Variants in PRKD3 observed in about 807,000 individuals in gnomAD.
The protein encoded by PRKD3 is protein kinase D3, also known as serine/threonine-protein kinase D3.
In PRKD3, 47 loss-of-function variants were observed where a neutral mutation model predicts 99.2. That is an observed-to-expected ratio of 0.47 (90% CI 0.38 to 0.60). The LOEUF (loss-of-function observed/expected upper bound fraction) is 0.60. Ranked by LOEUF, PRKD3 falls within the 20% of genes least tolerant of loss-of-function variation. The probability of loss-of-function intolerance (pLI) is 0.00; values close to 1 mark genes in which losing one functional copy is unlikely to be tolerated. For missense variants in PRKD3, 1,019 were observed against 1,088.4 expected, an observed-to-expected ratio of 0.94 and a Z score of 0.90; for synonymous variants, 392 against 355.4, an observed-to-expected ratio of 1.10 and a Z score of -1.16.
intron 5 of PRKD3, 121 bp from the exon 6 acceptor site, chr2:37,286,490 G>A (rs968115823): frequency 2.6e-6 from 2 of 759,628 alleles, no homozygotes; most frequent in Non-Finnish European, 4.0e-6. Context: ...TAAAAATGTT[G>A]TTCTCAGCAG....
At chr2:37,313,579 T>C (rs191995685) in intron 2 of PRKD3, among the ~76,000 whole-genome samples, 58 of 152,244 alleles carry the variant, frequency 3.8e-4, no homozygotes, top group African/African-American at 1.3e-3. Flanking sequence ...TATTAATACA[T>C]GCAAGCTAAA....
intron 11 of PRKD3, among the ~76,000 whole-genome samples, chr2:37,273,596 AT>A (rs1669416211): frequency 6.6e-6 from 1 of 152,076 alleles, no homozygotes; most frequent in East Asian, 1.9e-4. Context: ...TATATATCCC[AT>A]CTCTCCCTAA....
chr2:37,282,747 C>G (rs1230295051), intron 6 of PRKD3, 128 bp from the exon 7 acceptor site: 5 of 688,468 alleles, frequency 7.3e-6, no homozygotes, highest in African/African-American at 7.2e-5. Context: ...TAATAACCAC[C>G]TACAAGTCAC....
rs1667549115 is a variant in PRKD3 at position 37,252,128 on chromosome 2, AAAATAATT to A, written c.*1041_*1048del. 6.6e-6 allele frequency: 1 copy of A among 152,236 alleles called. No homozygotes were observed. The highest frequency in any genetic ancestry group is 1.5e-5 in the Non-Finnish European group (1 of 68,044). 9.4% of individuals were successfully genotyped at this position (152,236 alleles called of 1,614,324 possible). ...TCCTACACATCCCCTCAAACTGCTT[AAAATAATT>A]GACTTTAAAACACTCCAGATATCTG... On this transcript the variant is annotated 3_prime_UTR_variant, in exon 19 of 19. Coordinates refer to ENST00000234179, the MANE Select transcript of PRKD3 (RefSeq NM_005813.6).
At chr2:37,322,535 C>T (rs1378525276) in intron 1 of PRKD3, among the ~76,000 whole-genome samples, 1 of 152,172 alleles carries the variant, frequency 6.6e-6, no homozygotes, top group Admixed American at 6.5e-5. Context: ...TTATGGACTG[C>T]CAGTCTGGCA....
chr2:37,276,805 CATACACATATATATACATAT>C (rs1176996664), intron 9 of PRKD3, among the ~76,000 whole-genome samples: 2 of 139,706 alleles, frequency 1.4e-5, no homozygotes, highest in Non-Finnish European at 3.1e-5. Context: ...CACACACACA[CATACACATATATATACATAT>C]ATATTCATAT....
chr2:37,321,304 T>C (rs896063847), intron 1 of PRKD3, among the ~76,000 whole-genome samples: 8 of 152,200 alleles, frequency 5.3e-5, no homozygotes, highest in African/African-American at 1.7e-4. Flanking sequence ...TGAGCTTACA[T>C]AATCTGTCAT....
At chr2:37,321,880 G>C (rs1285166485) in intron 1 of PRKD3, among the ~76,000 whole-genome samples, 6 of 152,178 alleles carry the variant, frequency 3.9e-5, no homozygotes, top group African/African-American at 9.7e-5. Context: ...AATGCATCTA[G>C]TTATTAAATT....
In PRKD3 at chr2:37,316,404, A is replaced by C. The variant is rs1478144666; in HGVS notation, c.121T>G (p.Ser41Ala). 2 of 1,614,058 alleles carry C rather than the reference A, an allele frequency of 1.2e-6. No homozygotes were observed. The highest frequency in any genetic ancestry group is 2.7e-5 in the African/African-American group (2 of 74,922). ...SPKTGLSARL[S>A]NGSFSAPSLT... ...GATGGTGCACTGAAGCTTCCATTAG[A>C]GAGTCGGGCAGAGAGTCCCGTCTTA... Residue 41 changes from serine to alanine, a missense_variant, in exon 2 of 19, where the codon TCT becomes GCT. Around this residue, in one of 3 missense-constraint regions of PRKD3, gnomAD observed 710 missense variants for 692.7 expected, o/e 1.02. Transcript: ENST00000234179.
chr2:37,256,537 GATGA>G, intron 17 of PRKD3, 121 bp downstream of exon 17: 1 of 1,227,934 alleles, frequency 8.1e-7, no homozygotes, highest in Non-Finnish European at 1.1e-6. Context: ...GAATTTGGAA[GATGA>G]ATGGGAGATG....
chr2:37,300,727 C>T (rs1387811088), intron 2 of PRKD3, among the ~76,000 whole-genome samples: 1 of 152,146 alleles, frequency 6.6e-6, no homozygotes, highest in Non-Finnish European at 1.5e-5. Flanking sequence ...CTTAGCTATT[C>T]CAATCTCTTG....
chr2:37,253,547 CAG>C (rs2148469289), intron 18 of PRKD3, 197 bp from the exon 19 acceptor site: 2 of 484,078 alleles, frequency 4.1e-6, no homozygotes, highest in Non-Finnish European at 7.1e-6. Flanking sequence ...TTTTCAAACT[CAG>C]AGTCTCCAAT....
chr2:37,308,713 C>A (rs1275740635), intron 2 of PRKD3, among the ~76,000 whole-genome samples: 1 of 152,148 alleles, frequency 6.6e-6, no homozygotes, highest in Non-Finnish European at 1.5e-5. Flanking sequence ...CCTCAGCCTC[C>A]CAAAGTGCTA....
intron 6 of PRKD3, among the ~76,000 whole-genome samples, chr2:37,283,563 T>C (rs1669952584): frequency 6.6e-6 from 1 of 152,180 alleles, no homozygotes; most frequent in African/African-American, 2.4e-5. Flanking sequence ...AACACTATCC[T>C]TGTTAAGACA....
intron 2 of PRKD3, among the ~76,000 whole-genome samples, chr2:37,306,067 CTT>C (rs543636647): frequency 3.2e-4 from 46 of 141,720 alleles, no homozygotes; most frequent in African/African-American, 3.1e-4. Context: ...TCCTTGGATT[CTT>C]TTTTTTTTTT....
chr2:37,286,172 C>G lies in PRKD3; in HGVS notation c.910+5G>C, dbSNP rs965938569. 1.3e-6 allele frequency: 2 copies of G among 1,597,282 alleles called. No individual in the cohort carries two copies. Among genetic ancestry groups the G allele is most frequent in the African/African-American group, 2.7e-5 (2 of 74,462 alleles). On this transcript the variant is annotated splice_donor_5th_base_variant and intron_variant, in intron 6 of 18. Transcript: ENST00000234179. ...ATTTTAATTAGGGAAAACACCTAATCCTACCTTTACACTGCATTCCTTGGC... is the reference window on the plus strand; with the variant it reads ...ATTTTAATTAGGGAAAACACCTAATGCTACCTTTACACTGCATTCCTTGGC...
chr2:37,291,264 C>T (rs867685728), intron 3 of PRKD3, among the ~76,000 whole-genome samples: 1 of 152,194 alleles, frequency 6.6e-6, no homozygotes, highest in South Asian at 2.1e-4. Context: ...GACAAGATTA[C>T]AAACAGACAT....
chr2:37,290,802 CTGA>C (rs1670380407), intron 4 of PRKD3, 63 bp downstream of exon 4: 12 of 1,465,550 alleles, frequency 8.2e-6, no homozygotes, highest in East Asian at 2.3e-5. Flanking sequence ...TGCTTTTTCA[CTGA>C]TAATAAAAAA....
In PRKD3 at chr2:37,252,160, T is replaced by G. The variant is rs1667552252; in HGVS notation, c.*1017A>C. The stretch of plus-strand genomic sequence containing the variant: ...TTGACTTTAAAACACTCCAGATATC[T>G]GCAAAGCCCAATAGGCTAGGGGAAG... On this transcript the variant is annotated 3_prime_UTR_variant, in exon 19 of 19. Transcript: ENST00000234179. 1 of 152,092 alleles carries G rather than the reference T, an allele frequency of 6.6e-6. No homozygotes were observed. Among genetic ancestry groups the G allele is most frequent in the Non-Finnish European group, 1.5e-5 (1 of 68,028 alleles). 9.4% of individuals were successfully genotyped at this position (152,092 alleles called of 1,614,324 possible). A position where few individuals can be genotyped will look rare whatever the true frequency, so the allele number is the denominator to read the frequency against.
Sources: allele counts gnomAD v4.1 joint callset (sites outside exome capture counted in the v4.1 genomes callset), GRCh38; gene constraint gnomAD v4.1.1; regional missense constraint gnomAD v4.1.1; transcripts MANE v1.5; gene names NCBI Gene and HGNC (gene_info 2026-07-23, HGNC 2026-07-21).